IL16: variants seen among roughly 807,000 people sequenced by gnomAD.
IL16 encodes the protein pro-interleukin-16.
IL16 carries 67 observed loss-of-function variants against 110.1 expected under a neutral mutation model. That is an observed-to-expected ratio of 0.61 (90% CI 0.50 to 0.75). The LOEUF (loss-of-function observed/expected upper bound fraction) is 0.75, where lower values mean the gene tolerates loss of function less well. IL16 is among the 30% of genes least tolerant of loss of function. The pLI is 0.00. For synonymous variants in IL16, 689 were observed against 662.9 expected (o/e 1.04, Z -0.61); for missense variants, 1,545 against 1,655.0 (o/e 0.93, Z 1.15).
chr15:81,245,045 T>G (rs1897489669), intron 2 of IL16, among the ~76,000 whole-genome samples: 1 of 152,214 alleles, frequency 6.6e-6, no homozygotes, highest in Non-Finnish European at 1.5e-5. Flanking sequence ...AACTTTCTTT[T>G]TCATTGTTTT....
chr15:81,312,178 T>A lies in IL16; in HGVS notation c.*3380T>A, dbSNP rs935690411. ...GAATGTTAGAGGATCCCTCTCTGGATTGGAGATAGGGAAAGAAAGTTGCAC... is the reference window on the plus strand; with the variant it reads ...GAATGTTAGAGGATCCCTCTCTGGAATGGAGATAGGGAAAGAAAGTTGCAC... On this transcript the variant is annotated 3_prime_UTR_variant, in exon 19 of 19. Coordinates refer to ENST00000683961, the MANE Select transcript of IL16 (RefSeq NM_172217.5). 6 of 152,118 alleles carry A rather than the reference T, an allele frequency of 3.9e-5. No individual in the cohort carries two copies. Among genetic ancestry groups the A allele is most frequent in the Non-Finnish European group, 7.3e-5 (5 of 68,042 alleles). The allele number at this position is 152,118 out of a possible 1,614,324, so 9.4% of individuals were successfully genotyped here. A position where few individuals can be genotyped will look rare whatever the true frequency, so the allele number is the denominator to read the frequency against.
At chr15:81,232,134 C>T (rs1462969233) in intron 2 of IL16, among the ~76,000 whole-genome samples, 1 of 117,514 alleles carries the variant, frequency 8.5e-6, no homozygotes, top group African/African-American at 3.1e-5. Context: ...ATTGGAATTG[C>T]TTTGGCTTTA....
At chr15:81,282,135 C>T (rs1596028957) in intron 8 of IL16, among the ~76,000 whole-genome samples, 1 of 152,316 alleles carries the variant, frequency 6.6e-6, no homozygotes, top group African/African-American at 2.4e-5. Context: ...AGGCTGTGTC[C>T]CTGCCACACT....
Position 81,299,778 on chromosome 15 carries a change from C to T in IL16, c.2452C>T (p.Pro818Ser), listed in dbSNP as rs758578332. 6.2e-7 allele frequency: 1 copy of T among 1,614,006 alleles called. No homozygotes were observed. The highest frequency in any genetic ancestry group is 1.3e-5 in the African/African-American group (1 of 74,930). Reference sequence around the variant, plus strand: ...CCCTGATCCTGCCTTGTCCACCCAGCCAGCACCTGCTTCCAGGGAGCACCT... The same window carrying T: ...CCCTGATCCTGCCTTGTCCACCCAGTCAGCACCTGCTTCCAGGGAGCACCT... ...GLPDPALSTQ[P>S]APASREHLGS... The change falls in exon 14 of 19, where the codon CCA (proline) becomes TCA (serine). Residue 818 changes from proline to serine, a missense_variant. Coordinates refer to ENST00000683961, the MANE Select transcript of IL16 (RefSeq NM_172217.5).
chr15:81,313,157 G>T lies in IL16; in HGVS notation c.*4359G>T. The T allele has an allele frequency of 7.3e-7, 1 of 1,361,500 alleles. No individual in the cohort carries two copies. Among genetic ancestry groups the T allele is most frequent in the Non-Finnish European group, 9.7e-7 (1 of 1,028,362 alleles). The allele number at this position is 1,361,500 out of a possible 1,614,324, so 84.3% of individuals were successfully genotyped here. ...AGTCCATCAGCTTGTTCCAAAGAGT[G>T]AACACAGGCCTCTGCGTGCTCCCAG... is the stretch of plus-strand genomic sequence containing the variant. On this transcript the variant is annotated 3_prime_UTR_variant, in exon 19 of 19. Coordinates refer to ENST00000683961, the MANE Select transcript of IL16 (RefSeq NM_172217.5).
intron 2 of IL16, among the ~76,000 whole-genome samples, chr15:81,242,066 T>C (rs1453025772): frequency 6.6e-6 from 1 of 152,084 alleles, no homozygotes; most frequent in Non-Finnish European, 1.5e-5. Context: ...GTTTGGTATA[T>C]GCTTCAGGCT....
At chr15:81,194,721 G>C (rs1000009007), upstream of IL16, among the ~76,000 whole-genome samples, 1 of 152,114 alleles carries the variant, frequency 6.6e-6, no homozygotes, top group Admixed American at 6.5e-5. Flanking sequence ...AGGTGAGCAG[G>C]CTTCTGCTTG....
Position 81,299,931 on chromosome 15 carries a change from G to C in IL16, c.2605G>C (p.Gly869Arg), listed in dbSNP as rs1474674799. ...GAGACTGAGCCTCCAGCCCTCCTCT[G>C]GGGAGGCAGCAAAACCTCTTGGGAA... ...AQRLSLQPSS[G>R]EAAKPLGKHE... The change falls in exon 14 of 19, where the codon GGG becomes CGG. Residue 869 changes from glycine to arginine, a missense_variant. Around this residue, in one of 3 missense-constraint regions of IL16, gnomAD observed 1,185 missense variants for 1,238.8 expected, o/e 0.96. Transcript: ENST00000683961. 6.2e-7 allele frequency: 1 copy of C among 1,613,070 alleles called. No homozygotes were observed. Among genetic ancestry groups the C allele is most frequent in the South Asian group, 1.1e-5 (1 of 91,072 alleles).
chr15:81,232,042 G>GTTTTTTTCTT (rs1897008513), intron 2 of IL16, among the ~76,000 whole-genome samples: 1 of 57,694 alleles, frequency 1.7e-5, no homozygotes, highest in African/African-American at 6.4e-5. Flanking sequence ...ATTTGTTCTT[G>GTTTTTTTCTT]TTTTTTTTTT....
chr15:81,202,406 A>G (rs1263306114), intron 1 of IL16, among the ~76,000 whole-genome samples: 4 of 152,182 alleles, frequency 2.6e-5, no homozygotes, highest in Non-Finnish European at 4.4e-5. Flanking sequence ...TTGAAGAGTG[A>G]TGAAAATTTA....
At chr15:81,202,913 A>G (rs1227311289) in intron 1 of IL16, among the ~76,000 whole-genome samples, 1 of 152,080 alleles carries the variant, frequency 6.6e-6, no homozygotes, top group Admixed American at 6.6e-5. Flanking sequence ...GACTTCCACA[A>G]TGGTTGAACT....
intron 2 of IL16, among the ~76,000 whole-genome samples, chr15:81,249,984 A>C (rs1038333870): frequency 7.9e-5 from 12 of 151,832 alleles, no homozygotes; most frequent in African/African-American, 2.9e-4. Flanking sequence ...AATTTTTTTA[A>C]ATTTTGTGCT....
intron 3 of IL16, among the ~76,000 whole-genome samples, chr15:81,264,016 G>A (rs1898268335): frequency 6.6e-6 from 1 of 152,194 alleles, no homozygotes; most frequent in South Asian, 2.1e-4. Context: ...GGTTTCCCCA[G>A]ACCCGAAACG....
Position 81,308,887 on chromosome 15 carries a change from AC to A in IL16, c.*92del. The A allele has an allele frequency of 1.7e-6, 2 of 1,209,360 alleles. No homozygotes were observed. The highest frequency in any genetic ancestry group is 1.2e-6 in the Non-Finnish European group (1 of 866,978). The allele number at this position is 1,209,360 out of a possible 1,614,324, so 74.9% of individuals were successfully genotyped here. On this transcript the variant is annotated 3_prime_UTR_variant, in exon 19 of 19. Transcript: ENST00000683961. ...TTCTCAGGGTCTCTGCTGCCGCCCC[AC>A]CCAGATGGGGGAAAGCACAGGTGGG...
chr15:81,206,925 C>A (rs1324352262), intron 1 of IL16, among the ~76,000 whole-genome samples: 4 of 152,004 alleles, frequency 2.6e-5, no homozygotes, highest in African/African-American at 7.2e-5. Context: ...AACCACCCAA[C>A]AAACCATGCT....
intron 11 of IL16, chr15:81,291,874 A>G (rs774092907): frequency 4.4e-6 from 2 of 455,534 alleles, no homozygotes. Context: ...TTTGTTATTG[A>G]GCCTCAAAAT....
intron 1 of IL16, among the ~76,000 whole-genome samples, chr15:81,205,238 G>A (rs776489332): frequency 1.1e-4 from 17 of 149,750 alleles, no homozygotes; most frequent in Non-Finnish European, 1.9e-4. Flanking sequence ...TCTGGGAGGC[G>A]GAGGTTGCAG....
At chr15:81,218,459 TCCACCAGAC>T (rs1410423951) in intron 1 of IL16, among the ~76,000 whole-genome samples, 39 of 152,288 alleles carry the variant, frequency 2.6e-4, no homozygotes, top group South Asian at 1.9e-3. Context: ...AATCAAAATT[TCCACCAGAC>T]ATTTTAGAAC....
chr15:81,224,075 G>A (rs1896707849), intron 1 of IL16, among the ~76,000 whole-genome samples: 2 of 152,120 alleles, frequency 1.3e-5, no homozygotes, highest in African/African-American at 4.8e-5. Flanking sequence ...TTGATTACTG[G>A]GATGGTTGGT....
Sources: gnomAD v4.1 joint callset for allele counts (sites outside exome capture counted in the v4.1 genomes callset) on GRCh38, gnomAD v4.1.1 for gene constraint, gnomAD v4.1.1 regional missense constraint, MANE v1.5 for transcripts, NCBI Gene and HGNC (gene_info 2026-07-23, HGNC 2026-07-21) for gene names.